Variants in NF2 observed in about 807,000 individuals in gnomAD.
NF2 encodes NF2, moesin-ezrin-radixin like (MERLIN) tumor suppressor, also known as merlin.
A neutral mutation model predicts 83.7 loss-of-function variants in NF2; 8 were observed. The ratio of observed to expected loss-of-function variants is 0.10; its 90% CI spans 0.06 to 0.17. NF2 has a LOEUF of 0.17. NF2 is among the 10% of genes least tolerant of loss of function. The probability of loss-of-function intolerance (pLI) is 1.00; values close to 1 mark genes in which losing one functional copy is unlikely to be tolerated. For synonymous variants in NF2, 266 were observed against 269.6 expected (o/e 0.99, Z 0.13); for missense variants, 533 against 744.4 (o/e 0.72, Z 3.31).
chr22:29,654,516 T>C lies in NF2; in HGVS notation c.448-141T>C. ...GTATTTTCATTCAAGGATAACAAACTAGCAAGGTTGAAATCTTGACTTGTC... is the reference window on the plus strand; with the variant it reads ...GTATTTTCATTCAAGGATAACAAACCAGCAAGGTTGAAATCTTGACTTGTC... On this transcript the variant is annotated intron_variant, in intron 4 of 15. Coordinates refer to ENST00000338641, the MANE Select transcript of NF2 (RefSeq NM_000268.4). The C allele has an allele frequency of 2.7e-6, 2 of 749,986 alleles. 1 individual carries two copies. The highest frequency in any genetic ancestry group is 4.8e-6 in the Non-Finnish European group (2 of 415,612). The allele number at this position is 749,986 out of a possible 1,614,324, so 46.5% of individuals were successfully genotyped here. A position where few individuals can be genotyped will look rare whatever the true frequency, so the allele number is the denominator to read the frequency against.
chr22:29,616,354 G>T (rs1187508251), intron 1 of NF2, among the ~76,000 whole-genome samples: 1 of 152,126 alleles, frequency 6.6e-6, no homozygotes, highest in Non-Finnish European at 1.5e-5. Flanking sequence ...AAAAACCTTA[G>T]GCAAAATGTA....
chr22:29,668,654 A>G (rs2066697361), intron 10 of NF2, among the ~76,000 whole-genome samples: 1 of 152,254 alleles, frequency 6.6e-6, no homozygotes, highest in South Asian at 2.1e-4. Context: ...CATATCTAAA[A>G]GAAACATCTC....
chr22:29,630,797 G>A (rs1211277988), intron 1 of NF2, among the ~76,000 whole-genome samples: 1 of 152,218 alleles, frequency 6.6e-6, no homozygotes, highest in East Asian at 1.9e-4. Flanking sequence ...TTGGCTGCGT[G>A]GAAAGCGATG....
chr22:29,604,018 C>T lies in NF2; in HGVS notation c.20C>T (p.Ser7Phe), dbSNP rs2146659687. ...CGCGCCATGGCCGGGGCCATCGCTT[C>T]CCGCATGAGCTTCAGCTCTCTCAAG... MAGAIA[S>F]RMSFSSLKRK... The change falls in exon 1 of 16, where the codon TCC (serine) becomes TTC (phenylalanine). Residue 7 changes from serine to phenylalanine, a missense_variant. Ser to Phe is a radical substitution (Grantham distance 155). Around this residue, in one of 3 missense-constraint regions of NF2, gnomAD observed 326 missense variants for 475.1 expected, o/e 0.69. Coordinates refer to ENST00000338641, the MANE Select transcript of NF2 (RefSeq NM_000268.4). The T allele has an allele frequency of 6.3e-7, 1 of 1,593,262 alleles. No homozygotes were observed. The highest frequency in any genetic ancestry group is 8.5e-7 in the Non-Finnish European group (1 of 1,170,218).
chr22:29,658,981 T>C (rs2066400358), intron 7 of NF2, among the ~76,000 whole-genome samples: 1 of 152,228 alleles, frequency 6.6e-6, no homozygotes, highest in South Asian at 2.1e-4. Flanking sequence ...CATGCTTTGC[T>C]TTCCCTTATT....
chr22:29,615,962 T>C (rs1398895193), intron 1 of NF2, among the ~76,000 whole-genome samples: 1 of 152,234 alleles, frequency 6.6e-6, no homozygotes, highest in East Asian at 1.9e-4. Flanking sequence ...CAAAATGTGG[T>C]CTATCCTTAC....
chr22:29,640,445 C>T (rs2065776096), intron 3 of NF2, among the ~76,000 whole-genome samples: 1 of 152,078 alleles, frequency 6.6e-6, no homozygotes. Flanking sequence ...ACAGGTTGAC[C>T]ATCCAGAGGC....
chr22:29,667,682 A>G (rs2066665076), intron 9 of NF2, among the ~76,000 whole-genome samples: 1 of 152,072 alleles, frequency 6.6e-6, no homozygotes, highest in African/African-American at 2.4e-5. Context: ...TACTGCACCT[A>G]GCCTGTTTTC....
intron 4 of NF2, 79 bp downstream of exon 4, chr22:29,642,364 G>C: frequency 8.4e-7 from 1 of 1,192,934 alleles, no homozygotes; most frequent in Non-Finnish European, 1.2e-6. Flanking sequence ...CTCTTTCTTT[G>C]GGTTTTCTGT....
intron 15 of NF2, 75 bp downstream of exon 15, chr22:29,681,676 C>A: frequency 6.4e-7 from 1 of 1,565,822 alleles, no homozygotes; most frequent in Non-Finnish European, 8.8e-7. Flanking sequence ...CATCTGGTTT[C>A]CTCAGTAGCC....
intron 15 of NF2, among the ~76,000 whole-genome samples, chr22:29,692,562 G>T (rs569485909): frequency 9.8e-5 from 15 of 152,340 alleles, no homozygotes; most frequent in African/African-American, 3.4e-4. Context: ...GCACAAATGG[G>T]CAGGAGCCTC....
At chr22:29,674,984 G>A (rs2147094600) in intron 13 of NF2, 43 bp downstream of exon 13, 1 of 1,504,886 alleles carries the variant, frequency 6.6e-7, no homozygotes, top group Non-Finnish European at 9.1e-7. Context: ...TAGTCCTGGT[G>A]ATGTTCTCTT....
chr22:29,655,494 C>A (rs1311574141), intron 5 of NF2, 100 bp from the exon 6 acceptor site: 8 of 885,130 alleles, frequency 9.0e-6, no homozygotes, highest in Non-Finnish European at 1.9e-6. Context: ...TTAAAAATAG[C>A]TTTACTGTTT....
intron 1 of NF2, among the ~76,000 whole-genome samples, chr22:29,604,441 C>T (rs1489479410): frequency 1.3e-5 from 2 of 151,898 alleles, no homozygotes; most frequent in Non-Finnish European, 2.9e-5. Context: ...TTGTTATGTA[C>T]CCAGGTATTA....
At chr22:29,615,432 G>A (rs2065058746) in intron 1 of NF2, among the ~76,000 whole-genome samples, 1 of 151,894 alleles carries the variant, frequency 6.6e-6, no homozygotes. Flanking sequence ...AATTAGCCAG[G>A]CGTGGTGGCT....
chr22:29,668,824 A>G (rs1190105011), intron 10 of NF2, among the ~76,000 whole-genome samples: 1 of 152,152 alleles, frequency 6.6e-6, no homozygotes, highest in African/African-American at 2.4e-5. Context: ...TTAGATGGTG[A>G]TAGAATGCCA....
chr22:29,675,924 A>C (rs2066948971), intron 13 of NF2, among the ~76,000 whole-genome samples: 1 of 152,158 alleles, frequency 6.6e-6, no homozygotes, highest in Admixed American at 6.5e-5. Flanking sequence ...AGGTGGGGAA[A>C]ATGTAAGCAG....
chr22:29,680,555 CTGGCCATGCCTTGTAGT>C (rs1339626648), intron 14 of NF2, among the ~76,000 whole-genome samples: 10 of 152,244 alleles, frequency 6.6e-5, no homozygotes, highest in Admixed American at 2.6e-4. Flanking sequence ...CATGGTTTTT[CTGGCCATGCCTTGTAGT>C]TGGACACTTT....
At chr22:29,604,178 A>G (rs1357652962) in intron 1 of NF2, 66 bp downstream of exon 1, 10 of 1,261,004 alleles carry the variant, frequency 7.9e-6, no homozygotes, top group African/African-American at 1.5e-5. Context: ...GGTTCTCTTT[A>G]TATCATCTTA....
Sources: allele counts gnomAD v4.1 joint callset (sites outside exome capture counted in the v4.1 genomes callset), GRCh38; gene constraint gnomAD v4.1.1; regional missense constraint gnomAD v4.1.1; transcripts MANE v1.5; gene names NCBI Gene and HGNC (gene_info 2026-07-23, HGNC 2026-07-21).